Variants in SLC44A1 observed in about 807,000 individuals in gnomAD.
SLC44A1 encodes the protein choline transporter-like protein 1.
In SLC44A1, 26 loss-of-function variants were observed where a neutral mutation model predicts 79.3. The observed-to-expected ratio is 0.33, with a 90% CI of 0.24 to 0.46. The LOEUF (loss-of-function observed/expected upper bound fraction) is 0.46, where lower values mean the gene tolerates loss of function less well. Ranked by LOEUF, SLC44A1 falls within the 20% of genes least tolerant of loss-of-function variation. SLC44A1 has a pLI of 1.00. For missense variants in SLC44A1, 688 were observed against 798.1 expected, an observed-to-expected ratio of 0.86 and a Z score of 1.66; for synonymous variants, 263 against 286.2, an observed-to-expected ratio of 0.92 and a Z score of 0.82.
chr9:105,391,138 G>A lies in SLC44A1; in HGVS notation c.*2082G>A, dbSNP rs1828754143. On this transcript the variant is annotated 3_prime_UTR_variant, in exon 16 of 16. Coordinates refer to ENST00000374720, the MANE Select transcript of SLC44A1 (RefSeq NM_080546.5). The stretch of plus-strand genomic sequence containing the variant: ...TTCCAGGAGCTAGCAATTTTAAGAG[G>A]TGTCCCTCCAAAGTGACCTGATGGA... 5.1e-6 allele frequency: 5 copies of A among 985,512 alleles called. No homozygotes were observed. The highest frequency in any genetic ancestry group is 4.7e-5 in the South Asian group (1 of 21,286). 61.0% of individuals were successfully genotyped at this position (985,512 alleles called of 1,614,324 possible).
chr9:105,428,424 G>A (rs1829349695), intron 15 of SLC44A1, among the ~76,000 whole-genome samples: 1 of 152,178 alleles, frequency 6.6e-6, no homozygotes, highest in South Asian at 2.1e-4. Context: ...ACATGGAGTA[G>A]ATCTATGATA....
intron 2 of SLC44A1, chr9:105,299,666 G>A (rs1830824796): frequency 2.1e-6 from 1 of 467,962 alleles, no homozygotes; most frequent in Non-Finnish European, 2.8e-6. Flanking sequence ...TTTCCTCTCA[G>A]GGACTTGGTG....
intron 4 of SLC44A1, among the ~76,000 whole-genome samples, chr9:105,336,135 T>TGC (rs1491212233): frequency 1.2e-4 from 12 of 99,888 alleles, no homozygotes; most frequent in Middle Eastern, 5.1e-3. Context: ...TGTGTGTGCA[T>TGC]GTGTGTGTGT....
intron 1 of SLC44A1, among the ~76,000 whole-genome samples, chr9:105,257,214 A>G (rs1217903730): frequency 6.6e-6 from 1 of 152,152 alleles, no homozygotes; most frequent in Non-Finnish European, 1.5e-5. Context: ...CTCCTGCCTC[A>G]GCCTCCCAAG....
rs370728577 is a variant in SLC44A1 at position 105,364,531 on chromosome 9, T to G, written c.1088-24T>G. 5.2e-5 allele frequency: 82 copies of G among 1,590,392 alleles called. 2 individuals are homozygous for G. The highest frequency in any genetic ancestry group is 2.0e-4 in the East Asian group (9 of 44,590). ...GGATTTGTACTTTATGTGCTTCTTC[T>G]TTCCTTCCTTGATATTTTCCTAGGC... is the stretch of plus-strand genomic sequence containing the variant. On this transcript the variant is annotated intron_variant, in intron 9 of 15. Coordinates refer to ENST00000374720, the MANE Select transcript of SLC44A1 (RefSeq NM_080546.5).
chr9:105,257,199 C>T (rs1358181929), intron 1 of SLC44A1, among the ~76,000 whole-genome samples: 3 of 151,776 alleles, frequency 2.0e-5, no homozygotes, highest in South Asian at 4.2e-4. Flanking sequence ...CGGGTTCAAG[C>T]GAGTCTCCTG....
At chr9:105,322,876 G>A (rs548314380) in intron 3 of SLC44A1, among the ~76,000 whole-genome samples, 1 of 151,874 alleles carries the variant, frequency 6.6e-6, no homozygotes. Flanking sequence ...TATTATAAAT[G>A]AATATTATAC....
At chr9:105,278,682 T>TATTTGCAGCTTTCTCATCTGC (rs1830273241) in intron 1 of SLC44A1, among the ~76,000 whole-genome samples, 1 of 152,154 alleles carries the variant, frequency 6.6e-6, no homozygotes, top group South Asian at 2.1e-4. Flanking sequence ...TGCCTGGCTG[T>TATTTGCAGCTTTCTCATCTGC]ATTTGCAGCT....
intron 13 of SLC44A1, among the ~76,000 whole-genome samples, chr9:105,375,074 T>C (rs892312901): frequency 6.6e-6 from 1 of 152,230 alleles, no homozygotes; most frequent in African/African-American, 2.4e-5. Flanking sequence ...GGAGTTTCGC[T>C]CTTGTCGCCC....
At chr9:105,348,176 A>G (rs1379541752) in intron 4 of SLC44A1, among the ~76,000 whole-genome samples, 182 bp from the exon 5 acceptor site, 1 of 152,156 alleles carries the variant, frequency 6.6e-6, no homozygotes, top group African/African-American at 2.4e-5. Flanking sequence ...TTACATTAAT[A>G]GTAATTTTAG....
chr9:105,303,079 A>G (rs1162675043), intron 2 of SLC44A1, among the ~76,000 whole-genome samples: 2 of 152,208 alleles, frequency 1.3e-5, no homozygotes, highest in Non-Finnish European at 2.9e-5. Flanking sequence ...TTAGGGGTTC[A>G]GGATAGGTTT....
At chr9:105,376,849 T>A (rs1039196747) in intron 13 of SLC44A1, among the ~76,000 whole-genome samples, 1 of 152,234 alleles carries the variant, frequency 6.6e-6, no homozygotes, top group African/African-American at 2.4e-5. Context: ...GGTGAGCTAC[T>A]AGTATTATCT....
chr9:105,355,991 C>T (rs915762736), intron 5 of SLC44A1: 4 of 525,994 alleles, frequency 7.6e-6, no homozygotes, highest in African/African-American at 5.8e-5. Context: ...TCTGTTGGAA[C>T]ATGCACTCCA....
At chr9:105,252,811 C>G (rs888531939) in intron 1 of SLC44A1, among the ~76,000 whole-genome samples, 1 of 152,178 alleles carries the variant, frequency 6.6e-6, no homozygotes, top group Non-Finnish European at 1.5e-5. Context: ...ATATTTCCTC[C>G]TTTTTGATAC....
chr9:105,374,370 C>A (rs1828209538), intron 12 of SLC44A1, among the ~76,000 whole-genome samples: 1 of 152,098 alleles, frequency 6.6e-6, no homozygotes, highest in Non-Finnish European at 1.5e-5. Flanking sequence ...TAATAAATAA[C>A]AATGTTTTTA....
At chr9:105,302,650 C>G (rs1428506124) in intron 2 of SLC44A1, among the ~76,000 whole-genome samples, 2 of 151,032 alleles carry the variant, frequency 1.3e-5, no homozygotes, top group Non-Finnish European at 2.9e-5. Context: ...CTGTGCCCAG[C>G]CTAGAATTAG....
rs757828397 is a variant in SLC44A1, at chr9:105,299,305, G to A, written c.122G>A (p.Gly41Glu). Residue 41 changes from glycine (G) to glutamate (E), a missense_variant, in exon 2 of 16, where the codon GGG (glycine) becomes GAG (glutamate). By Grantham distance (98) the Gly-to-Glu change is moderately conservative (BLOSUM62 -2). Transcript: ENST00000374720. ...CTGCTCTTCATCCTCTTCTGCATTG[G>A]GATGGTAAGGAAACTCTCACAGATG... ...WLLLFILFCI[G>E]MGFICGFSIA... is the part of the protein sequence containing the mutation. 1 of 1,576,050 alleles carries A rather than the reference G, an allele frequency of 6.3e-7. No individual in the cohort carries two copies. Among genetic ancestry groups the A allele is most frequent in the South Asian group, 1.2e-5 (1 of 83,958 alleles).
chr9:105,364,105 A>C (rs1827867948), intron 9 of SLC44A1, among the ~76,000 whole-genome samples: 1 of 152,232 alleles, frequency 6.6e-6, no homozygotes, highest in Non-Finnish European at 1.5e-5. Context: ...AATGGAACTA[A>C]TTGTAAAGAG....
chr9:105,424,954 A>AG (rs1564059775), intron 15 of SLC44A1, among the ~76,000 whole-genome samples: 1 of 148,816 alleles, frequency 6.7e-6, no homozygotes, highest in Non-Finnish European at 1.5e-5. Flanking sequence ...ATCTCAAAAA[A>AG]AAAAAAAAGA....
Sources: allele counts gnomAD v4.1 joint callset (sites outside exome capture counted in the v4.1 genomes callset), GRCh38; gene constraint gnomAD v4.1.1; transcripts MANE v1.5; gene names NCBI Gene and HGNC (gene_info 2026-07-23, HGNC 2026-07-21).